METTL8: variants seen among roughly 807,000 people sequenced by gnomAD.
METTL8 encodes the protein tRNA N(3)-cytidine methyltransferase METTL8, mitochondrial.
METTL8 carries 32 observed loss-of-function variants against 48.7 expected under a neutral mutation model. That is an observed-to-expected ratio of 0.66 (90% CI 0.50 to 0.88). The LOEUF is 0.88. Ranked by LOEUF, METTL8 falls within the 40% of genes least tolerant of loss-of-function variation. The pLI is 0.00. For missense variants in METTL8, 464 were observed against 474.4 expected, an observed-to-expected ratio of 0.98 and a Z score of 0.20; for synonymous variants, 136 against 157.1, an observed-to-expected ratio of 0.87 and a Z score of 1.01.
intron 2 of METTL8, among the ~76,000 whole-genome samples, chr2:171,367,408 C>A (rs1685838680): frequency 6.6e-6 from 1 of 152,096 alleles, no homozygotes; most frequent in Non-Finnish European, 1.5e-5. Context: ...AGGGATGTGT[C>A]AACCTTGAAT....
At chr2:171,373,380 GC>G (rs1686585016) in intron 2 of METTL8, among the ~76,000 whole-genome samples, 1 of 152,044 alleles carries the variant, frequency 6.6e-6, no homozygotes, top group Non-Finnish European at 1.5e-5. Flanking sequence ...CTGGATATTA[GC>G]CCTCTGTCAG....
chr2:171,364,510 CAA>C (rs1685525647), intron 2 of METTL8, among the ~76,000 whole-genome samples: 1 of 151,988 alleles, frequency 6.6e-6, no homozygotes, highest in Admixed American at 6.5e-5. Flanking sequence ...TTGAGTAAAA[CAA>C]ATTTTTACAT....
chr2:171,394,320 CA>C (rs1477694186), intron 1 of METTL8, among the ~76,000 whole-genome samples: 2 of 151,034 alleles, frequency 1.3e-5, no homozygotes, highest in African/African-American at 2.4e-5. Context: ...CCAGGAAAGG[CA>C]AATCAAAATG....
At chr2:171,332,305 G>A (rs1262198869) in intron 5 of METTL8, 10 of 156,854 alleles carry the variant, frequency 6.4e-5, no homozygotes, top group African/African-American at 2.5e-4. Context: ...TTTTGAGACA[G>A]GGTCTCGCTC....
At chr2:171,348,569 G>A (rs1683544598) in intron 3 of METTL8, among the ~76,000 whole-genome samples, 1 of 152,114 alleles carries the variant, frequency 6.6e-6, no homozygotes, top group Non-Finnish European at 1.5e-5. Context: ...CTAATCTATT[G>A]TATTAGAAGC....
rs919592564 is a variant in METTL8 at position 171,320,135 on chromosome 2, T to C, written c.*4037A>G. 1 of 152,162 alleles carries C rather than the reference T, an allele frequency of 6.6e-6. No individual in the cohort carries two copies. Among genetic ancestry groups the C allele is most frequent in the African/African-American group, 2.4e-5 (1 of 41,428 alleles). 9.4% of individuals were successfully genotyped at this position (152,162 alleles called of 1,614,324 possible). On this transcript the variant is annotated 3_prime_UTR_variant, in exon 10 of 10. Coordinates refer to ENST00000375258, the MANE Select transcript of METTL8 (RefSeq NM_001321154.2). Reference sequence around the variant, plus strand: ...AAAATTCCAAATAGGTCTTTCCCTTTTCTTTCTGTGCCAAAATCTACATTT... The same window carrying C: ...AAAATTCCAAATAGGTCTTTCCCTTCTCTTTCTGTGCCAAAATCTACATTT...
chr2:171,428,371 T>C (rs539458807), intron 1 of METTL8, among the ~76,000 whole-genome samples: 2 of 152,304 alleles, frequency 1.3e-5, no homozygotes, highest in East Asian at 1.9e-4. Flanking sequence ...TTGCCAAGTA[T>C]TGTGGTATAT....
At chr2:171,331,534 A>G (rs983845105) in intron 6 of METTL8, among the ~76,000 whole-genome samples, 2 of 151,654 alleles carry the variant, frequency 1.3e-5, no homozygotes, top group Admixed American at 1.3e-4. Context: ...CTCGTGCCTC[A>G]GCCTCCCAAA....
intron 2 of METTL8, among the ~76,000 whole-genome samples, chr2:171,385,690 T>A (rs903624291): frequency 3.3e-5 from 5 of 152,184 alleles, no homozygotes; most frequent in Non-Finnish European, 7.3e-5. Flanking sequence ...CTAGACTAGA[T>A]CAATGTTTTT....
At chr2:171,375,770 A>T (rs1686901422) in intron 2 of METTL8, among the ~76,000 whole-genome samples, 1 of 152,258 alleles carries the variant, frequency 6.6e-6, no homozygotes, top group Admixed American at 6.5e-5. Flanking sequence ...AAATCTCAAA[A>T]TAATTATGCT....
intron 1 of METTL8, among the ~76,000 whole-genome samples, chr2:171,397,483 GT>G (rs1235286167): frequency 6.9e-6 from 1 of 144,220 alleles, no homozygotes; most frequent in Non-Finnish European, 1.5e-5. Context: ...GAGTTCAGGA[GT>G]TCAAGGCTGC....
At chr2:171,346,856 A>G (rs943435563) in intron 3 of METTL8, among the ~76,000 whole-genome samples, 9 of 152,214 alleles carry the variant, frequency 5.9e-5, no homozygotes, top group Non-Finnish European at 1.3e-4. Flanking sequence ...AGCCTCACCC[A>G]GGGTGCTGCA....
intron 2 of METTL8, among the ~76,000 whole-genome samples, chr2:171,373,121 T>C (rs956599635): frequency 6.6e-6 from 1 of 152,178 alleles, no homozygotes; most frequent in Non-Finnish European, 1.5e-5. Flanking sequence ...GTGTTCCTAT[T>C]TCTCCACATC....
At chr2:171,356,208 T>C (rs953603588) in intron 3 of METTL8, among the ~76,000 whole-genome samples, 5 of 152,172 alleles carry the variant, frequency 3.3e-5, no homozygotes, top group Admixed American at 6.5e-5. Context: ...TGGCATGATC[T>C]TGACTCACTG....
chr2:171,397,574 A>AG (rs1179197407), intron 1 of METTL8, among the ~76,000 whole-genome samples: 14 of 148,252 alleles, frequency 9.4e-5, no homozygotes, highest in South Asian at 2.1e-4. Context: ...AAAAAAAAAA[A>AG]AGAGAGAGAG....
At chr2:171,377,774 C>T (rs1258407496) in intron 2 of METTL8, among the ~76,000 whole-genome samples, 1 of 152,150 alleles carries the variant, frequency 6.6e-6, no homozygotes, top group African/African-American at 2.4e-5. Context: ...TTTTACACTG[C>T]TGGTGGGAAT....
At chr2:171,433,678 GGAAAT>G (rs1693426742) in intron 1 of METTL8, among the ~76,000 whole-genome samples, 200 bp downstream of exon 1, 1 of 152,206 alleles carries the variant, frequency 6.6e-6, no homozygotes, top group Non-Finnish European at 1.5e-5. Context: ...GGAGGCGAGA[GGAAAT>G]GAAATGAAGC....
intron 1 of METTL8, among the ~76,000 whole-genome samples, chr2:171,432,572 A>C (rs1393335880): frequency 1.3e-5 from 2 of 152,256 alleles, no homozygotes; most frequent in Non-Finnish European, 2.9e-5. Flanking sequence ...TCTCAGTGAC[A>C]GCTGCATTCA....
At chr2:171,353,052 T>C (rs12989804) in intron 3 of METTL8, among the ~76,000 whole-genome samples, 50,253 of 149,972 alleles carry the variant, frequency 0.34, 8,333 homozygotes, top group African/African-American at 0.45. Context: ...TTCTTTTAAT[T>C]GTGATGTTAG....
Sources: gnomAD v4.1 joint callset for allele counts (sites outside exome capture counted in the v4.1 genomes callset) on GRCh38, gnomAD v4.1.1 for gene constraint, MANE v1.5 for transcripts, NCBI Gene and HGNC (gene_info 2026-07-23, HGNC 2026-07-21) for gene names.